The following ZBTB20 variants were observed in gnomAD, a reference collection of about 807,000 sequenced individuals.
ZBTB20 encodes the protein zinc finger and BTB domain containing 20.
ZBTB20 carries 9 observed loss-of-function variants against 56.9 expected under a neutral mutation model. That is an observed-to-expected ratio of 0.16 (90% CI 0.10 to 0.28). ZBTB20 has a LOEUF of 0.28. Among genes scored for constraint, ZBTB20 ranks in the 10% least tolerant of loss-of-function variants. ZBTB20 has a pLI of 1.00. For missense variants in ZBTB20, 655 were observed against 1,003.0 expected, an observed-to-expected ratio of 0.65 and a Z score of 4.69; for synonymous variants, 417 against 420.7, an observed-to-expected ratio of 0.99 and a Z score of 0.11.
intron 7 of ZBTB20, among the ~76,000 whole-genome samples, chr3:114,475,406 A>T (rs942384608): frequency 3.3e-5 from 5 of 152,198 alleles, no homozygotes; most frequent in African/African-American, 1.2e-4. Context: ...GCTAGATTAA[A>T]ACTTCTAGGG....
chr3:115,011,519 A>T (rs909670979), intron 2 of ZBTB20, among the ~76,000 whole-genome samples: 5 of 151,910 alleles, frequency 3.3e-5, no homozygotes, highest in African/African-American at 1.2e-4. Flanking sequence ...AAAGTACTGA[A>T]GGAAAAAATC....
Position 114,942,485 on chromosome 3 carries a change from A to G in ZBTB20, c.-456+31881T>C, listed in dbSNP as rs569642863. Among the ~76,000 whole-genome samples the G allele has an allele frequency of 1.4e-5, 2 of 145,838 alleles. 1 individual carries two copies. Among genetic ancestry groups the G allele is most frequent in the South Asian group, 4.3e-4 (2 of 4,664 alleles). Reference sequence around the variant, plus strand: ...AAAAGGAGGTATGTCTGCAGAAGTTACTTTGTAAAGAAACATAGTGCTCAA... The same window carrying G: ...AAAAGGAGGTATGTCTGCAGAAGTTGCTTTGTAAAGAAACATAGTGCTCAA... On this transcript the variant is annotated intron_variant, in intron 3 of 11. Transcript: ENST00000675478.
intron 3 of ZBTB20, among the ~76,000 whole-genome samples, chr3:114,917,226 T>C (rs563998204): frequency 6.6e-6 from 1 of 152,316 alleles, no homozygotes; most frequent in South Asian, 2.1e-4. Flanking sequence ...TCTTAAAAAT[T>C]GTGTCAATCT....
chr3:114,450,009 T>A (rs1279936512), intron 7 of ZBTB20, among the ~76,000 whole-genome samples: 1 of 152,202 alleles, frequency 6.6e-6, no homozygotes, highest in East Asian at 1.9e-4. Flanking sequence ...AAAGGAAAGT[T>A]GAACAGTACT....
chr3:114,923,429 T>A (rs1189693745), intron 3 of ZBTB20, among the ~76,000 whole-genome samples: 1 of 152,136 alleles, frequency 6.6e-6, no homozygotes, highest in African/African-American at 2.4e-5. Flanking sequence ...ACTTGTATGG[T>A]TAACTAATCT....
chr3:114,727,684 G>C (rs1481922399), intron 5 of ZBTB20, among the ~76,000 whole-genome samples: 2 of 152,174 alleles, frequency 1.3e-5, no homozygotes, highest in African/African-American at 4.8e-5. Flanking sequence ...AAAACATGTT[G>C]TGTTTGAAGA....
chr3:114,983,371 G>T (rs1043370950), intron 2 of ZBTB20, among the ~76,000 whole-genome samples: 1 of 151,762 alleles, frequency 6.6e-6, no homozygotes, highest in Admixed American at 6.6e-5. Flanking sequence ...ATTTTAACTC[G>T]AGAAATGCCA....
intron 1 of ZBTB20, among the ~76,000 whole-genome samples, chr3:115,080,263 T>G (rs2082750572): frequency 6.6e-6 from 1 of 152,162 alleles, no homozygotes; most frequent in Non-Finnish European, 1.5e-5. Context: ...CACTCTGATC[T>G]TGGACTTCCA....
At chr3:114,503,872 G>A (rs1456994458) in intron 6 of ZBTB20, among the ~76,000 whole-genome samples, 2 of 152,122 alleles carry the variant, frequency 1.3e-5, no homozygotes, top group African/African-American at 4.8e-5. Context: ...TTTATGTAAA[G>A]TTCTACAGCA....
At chr3:115,090,732 T>G (rs193082191) in intron 1 of ZBTB20, among the ~76,000 whole-genome samples, 122 of 152,042 alleles carry the variant, frequency 8.0e-4, no homozygotes, top group Middle Eastern at 6.8e-3. Flanking sequence ...TCATATATAT[T>G]AACTTAATTA....
At chr3:115,016,070 T>C (rs1187589391) in intron 2 of ZBTB20, among the ~76,000 whole-genome samples, 2 of 152,000 alleles carry the variant, frequency 1.3e-5, no homozygotes, top group Admixed American at 6.6e-5. Flanking sequence ...CTAATGATCA[T>C]TGATGTTGAG....
intron 1 of ZBTB20, among the ~76,000 whole-genome samples, chr3:115,132,396 T>C (rs2084532631): frequency 2.0e-5 from 3 of 152,198 alleles, no homozygotes; most frequent in Non-Finnish European, 4.4e-5. Flanking sequence ...TTATCAATTT[T>C]TCTTACTCAT....
chr3:114,391,513 G>GTAC (rs1410181141), intron 7 of ZBTB20, among the ~76,000 whole-genome samples: 1 of 152,134 alleles, frequency 6.6e-6, no homozygotes, highest in Non-Finnish European at 1.5e-5. Context: ...AGCACATTCT[G>GTAC]TACTACTCCC....
At position 114,753,382 on chromosome 3, in the gene ZBTB20, CACAT is replaced by C. The variant is rs2108659510; in HGVS notation, c.-343+47715_-343+47718del. Reference sequence around the variant, plus strand: ...ATATAATGTATATATAATGTATATACACATACATGTATGTATATATATACACACA... The same window carrying C: ...ATATAATGTATATATAATGTATATACACATGTATGTATATATATACACACA... On this transcript the variant is annotated intron_variant, in intron 5 of 11. Coordinates refer to ENST00000675478, the MANE Select transcript of ZBTB20 (RefSeq NM_001348800.3). Among the ~76,000 whole-genome samples, 2 of 42,136 alleles carry C rather than the reference CACAT, an allele frequency of 4.7e-5. 1 individual carries two copies. Among genetic ancestry groups the C allele is most frequent in the East Asian group, 3.5e-3 (2 of 564 alleles). The allele number at this position is 42,136 out of a possible 152,430, so 27.6% of individuals were successfully genotyped here. A position where few individuals can be genotyped will look rare whatever the true frequency, so the allele number is the denominator to read the frequency against.
At chr3:115,002,308 G>T (rs912322879) in intron 2 of ZBTB20, among the ~76,000 whole-genome samples, 9 of 151,398 alleles carry the variant, frequency 5.9e-5, no homozygotes, top group Non-Finnish European at 7.4e-5. Flanking sequence ...GTTGATCTTG[G>T]GTTTGGCAAT....
At chr3:114,777,116 T>C (rs2069664842) in intron 5 of ZBTB20, among the ~76,000 whole-genome samples, 1 of 152,292 alleles carries the variant, frequency 6.6e-6, no homozygotes, top group South Asian at 2.1e-4. Context: ...ATCCTCTATC[T>C]GCACTTGAGG....
intron 7 of ZBTB20, among the ~76,000 whole-genome samples, chr3:114,439,811 C>T (rs1559791253): frequency 6.6e-6 from 1 of 152,180 alleles, no homozygotes; most frequent in Non-Finnish European, 1.5e-5. Flanking sequence ...AACCAGTTCA[C>T]TCCTACAGCC....
chr3:114,967,049 C>G lies in ZBTB20; in HGVS notation c.-456+7317G>C, dbSNP rs551076115. ...ACCTAGAGAATAATTTGAACAAAAC[C>G]AAGTTAACCATTTCTAAAATACTTA... On this transcript the variant is annotated intron_variant, in intron 3 of 11. Coordinates refer to ENST00000675478, the MANE Select transcript of ZBTB20 (RefSeq NM_001348800.3). Among the ~76,000 whole-genome samples the G allele has an allele frequency of 2.4e-4, 37 of 152,136 alleles. 1 individual carries two copies. The South Asian group carries it at 7.3e-3, about 30-fold the overall frequency.
At chr3:114,440,731 C>T (rs2090859508) in intron 7 of ZBTB20, among the ~76,000 whole-genome samples, 1 of 152,168 alleles carries the variant, frequency 6.6e-6, no homozygotes, top group Admixed American at 6.5e-5. Context: ...TTGGACCCTT[C>T]TCTCGCAAGA....
Sources: gnomAD v4.1 joint callset for allele counts (sites outside exome capture counted in the v4.1 genomes callset) on GRCh38, gnomAD v4.1.1 for gene constraint, MANE v1.5 for transcripts, NCBI Gene and HGNC (gene_info 2026-07-23, HGNC 2026-07-21) for gene names.